Variants in CD247 observed in about 807,000 individuals in gnomAD.
CD247 encodes the protein T-cell surface glycoprotein CD3 zeta chain.
CD247 carries 13 observed loss-of-function variants against 30.0 expected under a neutral mutation model. The observed-to-expected ratio is 0.43, with a 90% CI of 0.28 to 0.69. CD247 has a LOEUF of 0.69. CD247 is among the 30% of genes least tolerant of loss of function. The pLI, the probability that CD247 is intolerant of heterozygous loss-of-function variation, is 0.16. For missense variants in CD247, 193 were observed against 212.6 expected (o/e 0.91, Z 0.57); for synonymous variants, 72 against 80.0 (o/e 0.90, Z 0.53).
chr1:167,491,323 C>A (rs1654436477), intron 1 of CD247, among the ~76,000 whole-genome samples: 1 of 152,134 alleles, frequency 6.6e-6, no homozygotes, highest in African/African-American at 2.4e-5. Flanking sequence ...AATCCCAGCA[C>A]TTTGGGAGGC....
chr1:167,508,636 G>A (rs1169580124), intron 1 of CD247, among the ~76,000 whole-genome samples: 2 of 152,096 alleles, frequency 1.3e-5, no homozygotes, highest in Non-Finnish European at 2.9e-5. Context: ...TAGTTAAGTG[G>A]GAGAAAAGAC....
intron 1 of CD247, among the ~76,000 whole-genome samples, chr1:167,460,949 G>C (rs966749176): frequency 2.6e-5 from 4 of 152,218 alleles, no homozygotes; most frequent in South Asian, 2.1e-4. Flanking sequence ...GAGCCAAAAG[G>C]CTTTCCTGGA....
chr1:167,509,927 C>G (rs967508682), intron 1 of CD247, among the ~76,000 whole-genome samples: 3 of 152,116 alleles, frequency 2.0e-5, no homozygotes, highest in South Asian at 2.1e-4. Flanking sequence ...AGACCTCTGA[C>G]GGGAGTCAGG....
At chr1:167,442,550 C>T (rs538049302) in intron 1 of CD247, among the ~76,000 whole-genome samples, 3 of 152,286 alleles carry the variant, frequency 2.0e-5, no homozygotes, top group South Asian at 2.1e-4. Context: ...CACTGAGGCA[C>T]CGAGTATTCG....
At chr1:167,455,040 T>G (rs1484149458) in intron 1 of CD247, among the ~76,000 whole-genome samples, 1 of 152,056 alleles carries the variant, frequency 6.6e-6, no homozygotes, top group Non-Finnish European at 1.5e-5. Flanking sequence ...CCTCCGCCCC[T>G]CGGTGCCCGC....
intron 1 of CD247, among the ~76,000 whole-genome samples, chr1:167,442,302 G>A (rs115125132): frequency 3.0e-4 from 46 of 152,208 alleles, no homozygotes; most frequent in African/African-American, 9.9e-4. Context: ...GGCCAGCCCC[G>A]CTAGTGTCTG....
chr1:167,461,033 T>C (rs1652984980), intron 1 of CD247, among the ~76,000 whole-genome samples: 2 of 152,224 alleles, frequency 1.3e-5, no homozygotes, highest in African/African-American at 2.4e-5. Flanking sequence ...TGACGTACTT[T>C]GCGTGGATCA....
chr1:167,514,418 T>G (rs1438282621), intron 1 of CD247, among the ~76,000 whole-genome samples: 1 of 152,198 alleles, frequency 6.6e-6, no homozygotes, highest in Non-Finnish European at 1.5e-5. Context: ...TCAACAATTC[T>G]TATTGATAAT....
chr1:167,478,647 T>A (rs1653851746), intron 1 of CD247, among the ~76,000 whole-genome samples: 4 of 152,210 alleles, frequency 2.6e-5, no homozygotes, highest in Admixed American at 2.0e-4. Context: ...CTGTGCCTCT[T>A]ACCTTGTCTG....
At chr1:167,482,009 T>C (rs1188983473) in intron 1 of CD247, among the ~76,000 whole-genome samples, 3 of 152,200 alleles carry the variant, frequency 2.0e-5, no homozygotes, top group Non-Finnish European at 2.9e-5. Flanking sequence ...GCCCACTCCC[T>C]CTTCTGCCTC....
intron 1 of CD247, among the ~76,000 whole-genome samples, chr1:167,491,017 T>G (rs1297072749): frequency 6.6e-6 from 1 of 152,112 alleles, no homozygotes; most frequent in Non-Finnish European, 1.5e-5. Context: ...CAGGCTAAAA[T>G]TAATTTGTTA....
At chr1:167,502,098 G>A (rs956752188) in intron 1 of CD247, among the ~76,000 whole-genome samples, 5 of 152,214 alleles carry the variant, frequency 3.3e-5, no homozygotes, top group African/African-American at 1.2e-4. Flanking sequence ...CTCCGTCTGG[G>A]CCAGTCATCT....
chr1:167,440,216 C>T (rs1032345407), intron 2 of CD247: 5 of 244,424 alleles, frequency 2.0e-5, no homozygotes, highest in Middle Eastern at 2.9e-3. Flanking sequence ...ACCAGCCCCA[C>T]GAAGAAATCC....
chr1:167,504,490 C>A (rs1043118983), intron 1 of CD247, among the ~76,000 whole-genome samples: 1 of 152,234 alleles, frequency 6.6e-6, no homozygotes, highest in South Asian at 2.1e-4. Flanking sequence ...TTAAAACAGG[C>A]ACTCTTCACT....
chr1:167,453,433 T>C (rs933427203), intron 1 of CD247, among the ~76,000 whole-genome samples: 2 of 152,144 alleles, frequency 1.3e-5, no homozygotes, highest in African/African-American at 4.8e-5. Context: ...ATTAGCACCA[T>C]TTCAAAAAAA....
intron 1 of CD247, among the ~76,000 whole-genome samples, chr1:167,472,954 T>C (rs953526738): frequency 1.3e-5 from 2 of 152,160 alleles, no homozygotes. Flanking sequence ...TGTGTGGAAT[T>C]CCTTGGCCTT....
intron 1 of CD247, among the ~76,000 whole-genome samples, chr1:167,471,859 G>C (rs1653546484): frequency 2.5e-5 from 3 of 120,964 alleles, no homozygotes. Flanking sequence ...TTGAGACTGA[G>C]TCTTGCTCTG....
intron 1 of CD247, among the ~76,000 whole-genome samples, chr1:167,477,966 C>T (rs1054695196): frequency 5.3e-5 from 8 of 152,346 alleles, no homozygotes; most frequent in African/African-American, 1.9e-4. Context: ...CCCCTTCTGT[C>T]CTGATGACTA....
chr1:167,431,840 G>A (rs972986474), intron 7 of CD247, 94 bp from the exon 8 acceptor site: 1 of 1,065,974 alleles, frequency 9.4e-7, no homozygotes. Flanking sequence ...CTGCAGCACA[G>A]CCCTGTGACC....
Sources: allele counts gnomAD v4.1 joint callset (sites outside exome capture counted in the v4.1 genomes callset), GRCh38; gene constraint gnomAD v4.1.1; transcripts MANE v1.5; gene names NCBI Gene and HGNC (gene_info 2026-07-23, HGNC 2026-07-21).